The following FMN1 variants were observed in gnomAD, a reference collection of about 807,000 sequenced individuals.
FMN1 encodes the protein formin 1, also known as formin-1.
Under a neutral mutation model 132.4 loss-of-function variants are expected in FMN1, and 110 were observed. The ratio of observed to expected loss-of-function variants is 0.83; its 90% confidence interval spans 0.71 to 0.97. FMN1 has a LOEUF of 0.97. FMN1 is among the 50% of genes least tolerant of loss of function. The pLI is 0.00. For synonymous variants in FMN1, 722 were observed against 651.7 expected (o/e 1.11, Z -1.64); for missense variants, 1,792 against 1,705.3 (o/e 1.05, Z -0.90).
At chr15:32,958,084 A>T (rs144617756) in intron 9 of FMN1, among the ~76,000 whole-genome samples, 98 of 152,336 alleles carry the variant, frequency 6.4e-4, no homozygotes, top group South Asian at 3.9e-3. Flanking sequence ...CACCAGCTCC[A>T]AATCTATATA....
At chr15:32,807,681 A>G (rs2057730149) in intron 17 of FMN1, among the ~76,000 whole-genome samples, 1 of 152,216 alleles carries the variant, frequency 6.6e-6, no homozygotes, top group South Asian at 2.1e-4. Flanking sequence ...AGCATCAGGT[A>G]AGATTTTGCA....
intron 6 of FMN1, among the ~76,000 whole-genome samples, chr15:33,032,977 A>G (rs530647505): frequency 7.2e-4 from 109 of 152,320 alleles, no homozygotes; most frequent in African/African-American, 2.4e-3. Context: ...CCTGGCATAT[A>G]GGCATGCAGT....
chr15:32,912,254 C>T (rs1210708960), intron 10 of FMN1, among the ~76,000 whole-genome samples: 1 of 152,128 alleles, frequency 6.6e-6, no homozygotes, highest in African/African-American at 2.4e-5. Context: ...GGGGCCCAGG[C>T]ACACAGTTCC....
At chr15:32,952,722 A>G (rs546999527) in intron 9 of FMN1, among the ~76,000 whole-genome samples, 1 of 152,272 alleles carries the variant, frequency 6.6e-6, no homozygotes, top group East Asian at 1.9e-4. Flanking sequence ...ACCTCCTAAG[A>G]TATTTTGGAC....
chr15:33,013,518 T>C (rs568645935), intron 6 of FMN1, among the ~76,000 whole-genome samples: 36 of 152,342 alleles, frequency 2.4e-4, no homozygotes, highest in South Asian at 6.2e-4. Flanking sequence ...GGAGATGTTA[T>C]ATGGGTGTTA....
intron 7 of FMN1, among the ~76,000 whole-genome samples, chr15:32,976,283 A>G (rs1361163440): frequency 1.3e-5 from 2 of 152,180 alleles, no homozygotes; most frequent in African/African-American, 4.8e-5. Flanking sequence ...CAGCGTGAGC[A>G]GAAGAAAGGA....
chr15:33,159,908 A>G (rs1964822223), intron 3 of FMN1, among the ~76,000 whole-genome samples: 3 of 152,234 alleles, frequency 2.0e-5, no homozygotes, highest in Admixed American at 2.0e-4. Flanking sequence ...TGTATGGGGG[A>G]AAACCCTATT....
At chr15:32,954,325 C>T (rs1365216939) in intron 9 of FMN1, among the ~76,000 whole-genome samples, 2 of 152,174 alleles carry the variant, frequency 1.3e-5, no homozygotes, top group African/African-American at 2.4e-5. Context: ...ACAGCTCTAT[C>T]CATCTGATTA....
chr15:33,171,642 GT>G (rs766375542), intron 3 of FMN1, among the ~76,000 whole-genome samples: 37 of 151,486 alleles, frequency 2.4e-4, no homozygotes, highest in Non-Finnish European at 5.0e-4. Flanking sequence ...TGAACTATGG[GT>G]TTTTTTTTAA....
intron 3 of FMN1, among the ~76,000 whole-genome samples, chr15:33,163,225 T>C (rs1392592977): frequency 6.6e-5 from 10 of 152,068 alleles, no homozygotes; most frequent in African/African-American, 2.4e-4. Flanking sequence ...AGAATGCTAG[T>C]GGTTAAGACA....
At chr15:33,065,818 T>G (rs1480841959) in intron 5 of FMN1, among the ~76,000 whole-genome samples, 2 of 152,224 alleles carry the variant, frequency 1.3e-5, no homozygotes, top group African/African-American at 4.8e-5. Flanking sequence ...CTCATCTTTA[T>G]AAATTACCTG....
At chr15:32,958,700 G>A (rs1019238879) in intron 9 of FMN1, among the ~76,000 whole-genome samples, 4 of 152,110 alleles carry the variant, frequency 2.6e-5, no homozygotes, top group Non-Finnish European at 5.9e-5. Flanking sequence ...CATTACTTCT[G>A]AAATACAAAC....
In FMN1 at chr15:32,969,450, T is replaced by C; in HGVS notation, c.2251A>G (p.Ile751Val). 1.2e-6 allele frequency: 2 copies of C among 1,613,880 alleles called. No individual in the cohort carries two copies. The highest frequency in any genetic ancestry group is 2.7e-5 in the African/African-American group (2 of 75,022). Residue 751 changes from isoleucine (I) to valine (V), a missense_variant, in exon 8 of 21, where the codon ATC (isoleucine) becomes GTC (valine). By Grantham distance (29) the Ile-to-Val change is conservative. Coordinates refer to ENST00000616417, the MANE Select transcript of FMN1 (RefSeq NM_001277313.2). ...QAQFELRAFH[I>V]RGEHAMITAR... Reference sequence around the variant, plus strand: ...GTTATCATTGCATGCTCGCCCCGGATATGAAATGCCCGAAGTTCAAACTGT... The same window carrying C: ...GTTATCATTGCATGCTCGCCCCGGACATGAAATGCCCGAAGTTCAAACTGT...
chr15:33,029,872 CA>C (rs1438919257), intron 6 of FMN1, among the ~76,000 whole-genome samples: 2 of 152,042 alleles, frequency 1.3e-5, no homozygotes, highest in Non-Finnish European at 2.9e-5. Context: ...TTTATCTTTT[CA>C]AAGGCCAGGT....
At chr15:33,067,416 G>T in intron 5 of FMN1, 1 of 1,613,976 alleles carries the variant, frequency 6.2e-7, no homozygotes, top group Non-Finnish European at 8.5e-7. Context: ...CCCTCCTCTG[G>T]CTCCTGGCCA....
At chr15:33,082,940 T>C (rs943238180) in intron 5 of FMN1, among the ~76,000 whole-genome samples, 3 of 152,294 alleles carry the variant, frequency 2.0e-5, no homozygotes, top group South Asian at 4.1e-4. Flanking sequence ...GGAAACTTCA[T>C]GGCCCAAAAG....
chr15:32,946,379 T>C (rs577706154), intron 9 of FMN1, among the ~76,000 whole-genome samples: 1 of 152,058 alleles, frequency 6.6e-6, no homozygotes, highest in Non-Finnish European at 1.5e-5. Context: ...CACCCAGAGG[T>C]TCTCTTAGAT....
Position 33,023,055 on chromosome 15 carries a change from C to G in FMN1, c.2162-14980G>C, listed in dbSNP as rs1018633284. ...GAGCAAGACCCTGATCCCCCTCCCCCACCCAAAAAAAAAAAAAAAAAAGAA... is the reference window on the plus strand; with the variant it reads ...GAGCAAGACCCTGATCCCCCTCCCCGACCCAAAAAAAAAAAAAAAAAAGAA... On this transcript the variant is annotated intron_variant, in intron 6 of 20. Coordinates refer to ENST00000616417, the MANE Select transcript of FMN1 (RefSeq NM_001277313.2). Among the ~76,000 whole-genome samples the G allele has an allele frequency of 1.0e-4, 9 of 88,136 alleles. No individual in the cohort carries two copies. In the South Asian group the frequency reaches 2.2e-3, roughly 22 times the overall value. 57.8% of individuals were successfully genotyped at this position (88,136 alleles called of 152,430 possible).
intron 12 of FMN1, among the ~76,000 whole-genome samples, chr15:32,907,858 C>T (rs576367839): frequency 3.3e-5 from 5 of 151,012 alleles, no homozygotes; most frequent in South Asian, 2.1e-4. Flanking sequence ...TGCAGAGCCC[C>T]GGGAGCTTAT....
Sources: allele counts gnomAD v4.1 joint callset (sites outside exome capture counted in the v4.1 genomes callset), GRCh38; gene constraint gnomAD v4.1.1; transcripts MANE v1.5; gene names NCBI Gene and HGNC (gene_info 2026-07-23, HGNC 2026-07-21).